The following GUCY2D variants were observed in gnomAD, a reference collection of about 807,000 sequenced individuals.
GUCY2D encodes retinal guanylyl cyclase 1.
In GUCY2D, 70 loss-of-function variants were observed where a neutral mutation model predicts 101.3. That is an observed-to-expected ratio of 0.69 (90% CI 0.57 to 0.84). GUCY2D has a LOEUF of 0.84. GUCY2D is among the 40% of genes least tolerant of loss of function. The pLI is 0.00. For missense variants in GUCY2D, 1,460 were observed against 1,542.5 expected, an observed-to-expected ratio of 0.95 and a Z score of 0.90; for synonymous variants, 688 against 670.7, an observed-to-expected ratio of 1.03 and a Z score of -0.40.
intron 8 of GUCY2D, among the ~76,000 whole-genome samples, chr17:8,010,335 A>G (rs904593424): frequency 1.3e-5 from 2 of 152,092 alleles, no homozygotes; most frequent in Admixed American, 6.5e-5. Flanking sequence ...GAGGCTGTAA[A>G]TGGCTTATTC....
At chr17:8,006,977 G>C (rs1975755989) in intron 4 of GUCY2D, 83 bp from the exon 5 acceptor site, 16 of 1,145,392 alleles carry the variant, frequency 1.4e-5, no homozygotes, top group Non-Finnish European at 2.0e-5. Context: ...TTCCTGGAGG[G>C]GCCAGCATGT....
intron 6 of GUCY2D, 31 bp from the exon 7 acceptor site, chr17:8,007,900 T>C (rs765926917): frequency 1.2e-5 from 16 of 1,363,296 alleles, no homozygotes; most frequent in Non-Finnish European, 2.1e-6. Context: ...AGAATATATT[T>C]TGACCTCTTG....
At chr17:8,016,824 A>C (rs1598152303) in intron 19 of GUCY2D, 3 of 439,908 alleles carry the variant, frequency 6.8e-6, no homozygotes, top group Non-Finnish European at 1.2e-5. Context: ...CAGTGCATAA[A>C]CCTGGCTTCC....
At chr17:8,016,600 T>A in intron 19 of GUCY2D, 46 bp downstream of exon 19, 1 of 983,748 alleles carries the variant, frequency 1.0e-6, no homozygotes, top group Non-Finnish European at 1.6e-6. Flanking sequence ...TCCCCTCTGC[T>A]GCCTGCAGAA....
intron 6 of GUCY2D, 56 bp from the exon 7 acceptor site, chr17:8,007,875 C>A: frequency 1.8e-6 from 2 of 1,120,258 alleles, no homozygotes; most frequent in Non-Finnish European, 1.4e-6. Context: ...GACCTCAACC[C>A]AGGACTCTGA....
At chr17:8,012,422 G>C in intron 9 of GUCY2D, 28 bp from the exon 10 acceptor site, 2 of 1,613,714 alleles carry the variant, frequency 1.2e-6, no homozygotes, top group Non-Finnish European at 1.7e-6. Context: ...AGCAGGCTGA[G>C]GCTGCCTCTT....
chr17:8,016,382 G>A, intron 18 of GUCY2D, 61 bp from the exon 19 acceptor site: 1 of 1,432,344 alleles, frequency 7.0e-7, no homozygotes, highest in Non-Finnish European at 9.6e-7. Context: ...CAGCGATGAC[G>A]TGGGCCCTGC....
chr17:8,016,245 G>T lies in GUCY2D; in HGVS notation c.3179G>T (p.Arg1060Leu). The T allele has an allele frequency of 6.3e-7, 1 of 1,589,122 alleles. No individual in the cohort carries two copies. Among genetic ancestry groups the T allele is most frequent in the Non-Finnish European group, 8.6e-7 (1 of 1,168,326 alleles). ...AEDTFWLVGR[R>L]GFNKPIPKPP... ...GACACTTTCTGGCTAGTGGGCAGAC[G>T]CGGCTTCAACAAGCCCATCCCCAAA... The change falls in exon 18 of 20, where the codon CGC (arginine) becomes CTC (leucine). Residue 1060 changes from arginine (R) to leucine (L), a missense_variant. Transcript: ENST00000254854.
In GUCY2D at chr17:8,013,244, C is replaced by T. The variant is rs776278329; in HGVS notation, c.2255C>T (p.Thr752Ile). The stretch of plus-strand genomic sequence containing the variant: ...GCCCCTTATGCCATGCTGGAGCTCA[C>T]TCCCGAGGGTAAGGCTGCCCTGTGC... ...RSAPYAMLEL[T>I]PEEVVQRVRS... Residue 752 changes from threonine to isoleucine, a missense_variant, in exon 11 of 20, where the codon ACT (threonine) becomes ATT (isoleucine). By Grantham distance (89) the Thr-to-Ile change is moderately conservative. This residue lies in a region of GUCY2D where 1,196 missense variants were observed against 1,229.6 expected (regional missense o/e 0.97). Transcript: ENST00000254854. This position sits in a 1 kb window ranked among gnomAD's most constrained non-coding sequence, Gnocchi z 5.0. The T allele has an allele frequency of 6.2e-7, 1 of 1,614,092 alleles. No individual in the cohort carries two copies. The highest frequency in any genetic ancestry group is 8.5e-7 in the Non-Finnish European group (1 of 1,179,982).
Position 8,007,528 on chromosome 17 carries a change from G to C in GUCY2D, c.1566G>C (p.Lys522Asn). The change falls in exon 6 of 20, where the codon AAG becomes AAC. Residue 522 changes from lysine to asparagine, a missense_variant and splice_region_variant. Physicochemically the swap from Lys to Asn is moderately conservative, Grantham distance 94. Coordinates refer to ENST00000254854, the MANE Select transcript of GUCY2D (RefSeq NM_000180.4). ...ACCCACATGGGGGCACCTCTCGAAA[G>C]GTGGGGGAGGCAGAGAGGCAGGAGC... ...FLHPHGGTSRKVAQGSRSSLG... is the reference protein window; with the variant it reads ...FLHPHGGTSRNVAQGSRSSLG... 1.3e-6 allele frequency: 2 copies of C among 1,574,082 alleles called. No individual in the cohort carries two copies. Among genetic ancestry groups the C allele is most frequent in the Non-Finnish European group, 1.7e-6 (2 of 1,143,710 alleles).
At position 8,006,389 on chromosome 17, in the gene GUCY2D, T is replaced by C. The variant is rs1196594149; in HGVS notation, c.1053T>C (p.Tyr351=). The C allele has an allele frequency of 6.2e-7, 1 of 1,600,868 alleles. No homozygotes were observed. The highest frequency in any genetic ancestry group is 8.5e-7 in the Non-Finnish European group (1 of 1,179,962). Residue 351 remains tyrosine (Y), a synonymous_variant, in exon 4 of 20, where the codon TAT becomes TAC. Transcript: ENST00000254854. The part of the protein sequence containing the change: ...QQVSPLFGTI[Y]DAVFLLARGV... ...TCTCCCCACTCTTTGGCACCATCTA[T>C]GACGCGGTCTTCTTGCTGGCAAGGG...
Position 8,014,897 on chromosome 17 carries a change from A to G in GUCY2D, c.2615A>G (p.Glu872Gly). 1 of 1,614,106 alleles carries G rather than the reference A, an allele frequency of 6.2e-7. No individual in the cohort carries two copies. Among genetic ancestry groups the G allele is most frequent in the Non-Finnish European group, 8.5e-7 (1 of 1,180,006 alleles). The change falls in exon 14 of 20, where the codon GAG becomes GGG. Residue 872 changes from glutamate to glycine, a missense_variant. Transcript: ENST00000254854. The surrounding 1 kb of genome is among the most constrained non-coding windows in gnomAD (Gnocchi z 4.0). ...GCCTTGAAGACGGGGACACCAGTGG[A>G]GCCCGAGTACTTTGAGCAAGTGACA... ...AEALKTGTPV[E>G]PEYFEQVTLY...
chr17:8,014,685 G>A lies in GUCY2D; in HGVS notation c.2497G>A (p.Asp833Asn). The A allele has an allele frequency of 6.2e-7, 1 of 1,612,476 alleles. No individual in the cohort carries two copies. Among genetic ancestry groups the A allele is most frequent in the South Asian group, 1.1e-5 (1 of 91,018 alleles). Residue 833 changes from aspartate to asparagine, a missense_variant, in exon 13 of 20, where the codon GAT becomes AAT. Around this residue, in one of 3 missense-constraint regions of GUCY2D, gnomAD observed 1,196 missense variants for 1,229.6 expected, o/e 0.97. Coordinates refer to ENST00000254854, the MANE Select transcript of GUCY2D (RefSeq NM_000180.4). This position sits in a 1 kb window ranked among gnomAD's most constrained non-coding sequence, Gnocchi z 4.0. ...MLEQYSSNLE[D>N]LIRERTEELE... ...GGAGCAGTACTCTAGTAACCTGGAGGATCTGATCCGGGAGCGCACGGAGGA... is the reference window on the plus strand; with the variant it reads ...GGAGCAGTACTCTAGTAACCTGGAGAATCTGATCCGGGAGCGCACGGAGGA...
rs750566089 is a variant in GUCY2D at position 8,014,967 on chromosome 17, G to C, written c.2685G>C (p.Met895Ile). 2 of 1,614,072 alleles carry C rather than the reference G, an allele frequency of 1.2e-6. No individual in the cohort carries two copies. The highest frequency in any genetic ancestry group is 8.5e-7 in the Non-Finnish European group (1 of 1,179,950). Residue 895 changes from methionine (M) to isoleucine (I), a missense_variant, in exon 14 of 20, where the codon ATG (methionine) becomes ATC (isoleucine). Physicochemically the swap from Met to Ile is conservative, Grantham distance 10. Coordinates refer to ENST00000254854, the MANE Select transcript of GUCY2D (RefSeq NM_000180.4). The surrounding 1 kb of genome is among the most constrained non-coding windows in gnomAD (Gnocchi z 4.0). ...DIVGFTTISAMSEPIEVVDLL... is the reference protein window; with the variant it reads ...DIVGFTTISAISEPIEVVDLL... ...TGGGCTTCACCACCATCTCTGCCAT[G>C]AGTGAGCCCATTGAGGTTGTGGACC...
rs1426236694 is a variant in GUCY2D, at chr17:8,014,630, G to A, written c.2442G>A (p.Thr814=). Residue 814 remains threonine, a synonymous_variant, in exon 13 of 20, where the codon ACG becomes ACA. Coordinates refer to ENST00000254854, the MANE Select transcript of GUCY2D (RefSeq NM_000180.4). This position sits in a 1 kb window ranked among gnomAD's most constrained non-coding sequence, Gnocchi z 4.0. ...AGAACATCAACAAGGGCCGGAAGAC[G>A]AACATCATTGACTCGATGCTTCGGA... ...LFKNINKGRK[T]NIIDSMLRML... The A allele has an allele frequency of 6.8e-6, 11 of 1,614,110 alleles. No individual in the cohort carries two copies. The highest frequency in any genetic ancestry group is 1.7e-5 in the Admixed American group (1 of 60,018).
In GUCY2D at chr17:8,014,025, C is replaced by G. The variant is rs756031378; in HGVS notation, c.2409C>G (p.Asp803Glu). The change falls in exon 12 of 20, where the codon GAC (aspartate) becomes GAG (glutamate). Residue 803 changes from aspartate to glutamate, a missense_variant. Transcript: ENST00000254854. This position sits in a 1 kb window ranked among gnomAD's most constrained non-coding sequence, Gnocchi z 4.0. ...ELRPSMDHTFDLFKNINKGRK... is the reference protein window; with the variant it reads ...ELRPSMDHTFELFKNINKGRK... ...GGCCCTCCATGGACCACACCTTCGACCTGGTCAGGGGCTGGGAGTGGGCAA... is the reference window on the plus strand; with the variant it reads ...GGCCCTCCATGGACCACACCTTCGAGCTGGTCAGGGGCTGGGAGTGGGCAA... The G allele has an allele frequency of 6.2e-7, 1 of 1,612,732 alleles. No individual in the cohort carries two copies. The highest frequency in any genetic ancestry group is 1.7e-5 in the Admixed American group (1 of 60,028).
rs746002871 is a variant in GUCY2D at position 8,007,481 on chromosome 17, G to C, written c.1519G>C (p.Val507Leu). ...VSGPNKIILT[V>L]DDITFLHPHG... ...CGGCCCCAACAAGATCATCCTGACC[G>C]TGGACGACATCACCTTTCTCCACCC... The change falls in exon 6 of 20, where the codon GTG becomes CTG. Residue 507 changes from valine to leucine, a missense_variant. Val to Leu is a conservative substitution (Grantham distance 32, BLOSUM62 1). Coordinates refer to ENST00000254854, the MANE Select transcript of GUCY2D (RefSeq NM_000180.4). 6 of 1,613,352 alleles carry C rather than the reference G, an allele frequency of 3.7e-6. No individual in the cohort carries two copies. The highest frequency in any genetic ancestry group is 5.1e-6 in the Non-Finnish European group (6 of 1,179,306).
Position 8,017,387 on chromosome 17 carries a change from C to T in GUCY2D, c.*24+833C>T, listed in dbSNP as rs575137886. The stretch of plus-strand genomic sequence containing the variant: ...GGAAGGAGGATCTGGGATTGATGCC[C>T]GACCCCAGAGGAAGTGGAGTTCTGT... On this transcript the variant is annotated intron_variant, in intron 19 of 19. Transcript: ENST00000254854. Among the ~76,000 whole-genome samples, 11 of 152,212 alleles carry T rather than the reference C, an allele frequency of 7.2e-5. No individual in the cohort carries two copies. The South Asian group carries it at 1.2e-3, about 17-fold the overall frequency.
chr17:8,004,225 G>A, intron 3 of GUCY2D, 69 bp downstream of exon 3: 1 of 1,380,164 alleles, frequency 7.2e-7, no homozygotes, highest in Non-Finnish European at 9.8e-7. Flanking sequence ...AGGGAGAGGA[G>A]GATGCAGCCA....
Sources: gnomAD v4.1 joint callset for allele counts (sites outside exome capture counted in the v4.1 genomes callset) on GRCh38, gnomAD v4.1.1 for gene constraint, gnomAD v4.1.1 regional missense constraint, Gnocchi (gnomAD v3.1) non-coding constraint, MANE v1.5 for transcripts, NCBI Gene and HGNC (gene_info 2026-07-23, HGNC 2026-07-21) for gene names.